Variants in ACSL6 observed in about 807,000 individuals in gnomAD.
ACSL6 encodes long-chain-fatty-acid--CoA ligase 6.
Under a neutral mutation model 98.2 loss-of-function variants are expected in ACSL6, and 47 were observed. The ratio of observed to expected loss-of-function variants is 0.48; its 90% confidence interval spans 0.38 to 0.61. ACSL6 has a LOEUF of 0.61. ACSL6 is among the 20% of genes least tolerant of loss of function. The pLI is 0.00. For synonymous variants in ACSL6, 362 were observed against 336.9 expected, an observed-to-expected ratio of 1.07 and a Z score of -0.82; for missense variants, 761 against 913.4, an observed-to-expected ratio of 0.83 and a Z score of 2.15.
chr5:131,999,538 G>A (rs887216399), intron 1 of ACSL6: 2 of 152,272 alleles, frequency 1.3e-5, no homozygotes, highest in Non-Finnish European at 2.9e-5. Context: ...GCACAAAAGT[G>A]GCGAAGGCCC....
intron 8 of ACSL6, 61 bp downstream of exon 8, chr5:131,986,761 T>C: frequency 8.1e-6 from 13 of 1,598,284 alleles, no homozygotes; most frequent in Non-Finnish European, 1.1e-5. Flanking sequence ...TGAGGGACTC[T>C]GTGAGGACAG....
At chr5:131,980,252 G>A (rs571250428) in intron 9 of ACSL6, among the ~76,000 whole-genome samples, 2 of 152,238 alleles carry the variant, frequency 1.3e-5, no homozygotes, top group African/African-American at 4.8e-5. Flanking sequence ...CCTGCTAAAG[G>A]CTCTCAAATC....
intron 20 of ACSL6, among the ~76,000 whole-genome samples, chr5:131,956,948 A>G (rs1752441067): frequency 6.6e-6 from 1 of 152,216 alleles, no homozygotes; most frequent in Non-Finnish European, 1.5e-5. Context: ...TTCACTGAAA[A>G]GAGATGCTAC....
intron 17 of ACSL6, 121 bp from the exon 18 acceptor site, chr5:131,962,799 C>T (rs771310384): frequency 8.5e-7 from 1 of 1,169,846 alleles, no homozygotes; most frequent in Non-Finnish European, 1.2e-6. Flanking sequence ...ATTTCTTTTC[C>T]ATCTGTTGTG....
chr5:132,008,045 T>C (rs763928935), intron 1 of ACSL6, among the ~76,000 whole-genome samples: 2 of 152,178 alleles, frequency 1.3e-5, no homozygotes, highest in Non-Finnish European at 2.9e-5. Context: ...CAGTATGTTC[T>C]TACCATATAG....
chr5:131,967,699 T>TAA (rs5871437), intron 16 of ACSL6, among the ~76,000 whole-genome samples: 35 of 119,702 alleles, frequency 2.9e-4, no homozygotes, highest in East Asian at 4.6e-4. Context: ...ATAATAATAA[T>TAA]TAATTAATTT....
chr5:131,954,481 C>G, intron 20 of ACSL6, 110 bp from the exon 21 acceptor site: 3 of 1,136,594 alleles, frequency 2.6e-6, no homozygotes, highest in Middle Eastern at 4.6e-4. Context: ...GACATACAGA[C>G]ATTATGCTAA....
chr5:131,971,734 A>C, intron 13 of ACSL6, 89 bp from the exon 14 acceptor site: 1 of 1,127,262 alleles, frequency 8.9e-7, no homozygotes, highest in East Asian at 2.6e-5. Flanking sequence ...AACATCCAAC[A>C]ACTGGGTCCT....
chr5:132,002,255 T>G (rs1418058139), intron 1 of ACSL6, among the ~76,000 whole-genome samples: 1 of 152,204 alleles, frequency 6.6e-6, no homozygotes, highest in Non-Finnish European at 1.5e-5. Context: ...CCTTTGCCTT[T>G]CCGGCCATGT....
intron 1 of ACSL6, among the ~76,000 whole-genome samples, chr5:132,006,103 A>C (rs1171672477): frequency 6.6e-6 from 1 of 151,922 alleles, no homozygotes; most frequent in Non-Finnish European, 1.5e-5. Flanking sequence ...GCCATTCCCA[A>C]CTCCCCCAGA....
chr5:131,975,037 T>TA (rs1470661251), intron 10 of ACSL6, 67 bp from the exon 11 acceptor site: 10 of 1,556,856 alleles, frequency 6.4e-6, no homozygotes, highest in Non-Finnish European at 7.8e-6. Flanking sequence ...AAGAGAATCA[T>TA]AAAACAATAA....
chr5:132,008,438 C>G (rs1254084312), intron 1 of ACSL6, among the ~76,000 whole-genome samples: 1 of 152,212 alleles, frequency 6.6e-6, no homozygotes, highest in Non-Finnish European at 1.5e-5. Flanking sequence ...AGGCAGAGGC[C>G]AGGGGTGGGG....
chr5:131,973,561 C>T, intron 11 of ACSL6, 161 bp from the exon 12 acceptor site: 1 of 617,540 alleles, frequency 1.6e-6, no homozygotes, highest in Non-Finnish European at 2.6e-6. Flanking sequence ...TCTGAGGTGA[C>T]CCCCACCCCC....
At chr5:131,999,477 T>A (rs1754959987) in intron 1 of ACSL6, 1 of 152,050 alleles carries the variant, frequency 6.6e-6, no homozygotes, top group Non-Finnish European at 1.5e-5. Context: ...CCAGCCTCCC[T>A]TTATAGGGCC....
At chr5:131,955,871 T>TA (rs1752375282) in intron 20 of ACSL6, among the ~76,000 whole-genome samples, 1 of 152,200 alleles carries the variant, frequency 6.6e-6, no homozygotes. Flanking sequence ...AATGAAAAAC[T>TA]AAAAAATTGA....
chr5:131,976,613 A>G, intron 10 of ACSL6, 35 bp downstream of exon 10: 1 of 1,565,988 alleles, frequency 6.4e-7, no homozygotes, highest in Non-Finnish European at 8.8e-7. Flanking sequence ...GTTGTCCTCA[A>G]GAGACACCTG....
At chr5:131,974,244 T>A (rs2149724529) in intron 11 of ACSL6, among the ~76,000 whole-genome samples, 1 of 152,312 alleles carries the variant, frequency 6.6e-6, no homozygotes, top group African/African-American at 2.4e-5. Context: ...CTTGTCTCCA[T>A]AATCACATAT....
chr5:131,970,997 C>T (rs1449127904), intron 14 of ACSL6, among the ~76,000 whole-genome samples: 3 of 152,146 alleles, frequency 2.0e-5, no homozygotes, highest in Non-Finnish European at 4.4e-5. Context: ...AAAATTTAAG[C>T]ACGCACAATT....
intron 17 of ACSL6, among the ~76,000 whole-genome samples, chr5:131,962,922 T>C (rs941442566): frequency 1.3e-5 from 2 of 152,168 alleles, no homozygotes; most frequent in Non-Finnish European, 1.5e-5. Context: ...CCTCAGCAGT[T>C]AGCCCCCCAC....
Sources: allele counts gnomAD v4.1 joint callset (sites outside exome capture counted in the v4.1 genomes callset), GRCh38; gene constraint gnomAD v4.1.1; transcripts MANE v1.5; gene names NCBI Gene and HGNC (gene_info 2026-07-23, HGNC 2026-07-21).